The following USH1C variants were observed in gnomAD, a reference collection of about 807,000 sequenced individuals.
USH1C encodes USH1 protein network component harmonin.
A neutral mutation model predicts 119.3 loss-of-function variants in USH1C; 90 were observed. The ratio of observed to expected loss-of-function variants is 0.75; its 90% CI spans 0.64 to 0.90. The LOEUF is 0.90. USH1C is among the 40% of genes least tolerant of loss of function. The pLI, the probability that USH1C is intolerant of heterozygous loss-of-function variation, is 0.00. For synonymous variants in USH1C, 465 were observed against 443.3 expected (o/e 1.05, Z -0.62); for missense variants, 1,165 against 1,167.7 (o/e 1.00, Z 0.03).
chr11:17,531,017 A>G lies in USH1C; in HGVS notation c.387+137T>C. ...TATGAGCCTAAGAACACCCATCAGGATGCGCCAGCCTCTTCTTCACCCGAA... is the reference window on the plus strand; with the variant it reads ...TATGAGCCTAAGAACACCCATCAGGGTGCGCCAGCCTCTTCTTCACCCGAA... On this transcript the variant is annotated intron_variant, in intron 4 of 26. Transcript: ENST00000005226. This position sits in a 1 kb window ranked among gnomAD's most constrained non-coding sequence, Gnocchi z 4.2. 1 of 1,357,628 alleles carries G rather than the reference A, an allele frequency of 7.4e-7. No homozygotes were observed. The allele number at this position is 1,357,628 out of a possible 1,614,324, so 84.1% of individuals were successfully genotyped here.
chr11:17,515,523 AT>A (rs1227755183), intron 15 of USH1C, among the ~76,000 whole-genome samples: 1 of 152,132 alleles, frequency 6.6e-6, no homozygotes, highest in African/African-American at 2.4e-5. Flanking sequence ...ATAACATCCA[AT>A]TTAGCTCACC....
chr11:17,526,309 C>A, intron 8 of USH1C, 38 bp downstream of exon 8: 1 of 1,571,310 alleles, frequency 6.4e-7, no homozygotes, highest in Non-Finnish European at 8.7e-7. Flanking sequence ...CTGGGGTGCA[C>A]TGGCCACGAA....
intron 15 of USH1C, 149 bp from the exon 16 acceptor site, chr11:17,512,203 G>A (rs1849925905): frequency 1.1e-6 from 1 of 869,878 alleles, no homozygotes; most frequent in African/African-American, 1.7e-5. Context: ...CAGACCTCAG[G>A]TTTAGGACAG....
At chr11:17,517,496 A>G (rs1303537146) in intron 14 of USH1C, 4 of 1,573,490 alleles carry the variant, frequency 2.5e-6, no homozygotes, top group Admixed American at 1.9e-5. Context: ...AAAGAGGAGG[A>G]AGCTGGTGAA....
intron 26 of USH1C, 94 bp downstream of exon 26, chr11:17,495,475 G>A (rs1849211279): frequency 3.8e-6 from 5 of 1,304,924 alleles, no homozygotes; most frequent in East Asian, 2.3e-5. Flanking sequence ...CCCTCCAGAC[G>A]CCAGTCCAAA....
intron 1 of USH1C, among the ~76,000 whole-genome samples, chr11:17,540,349 G>A (rs7111978): frequency 0.38 from 57,767 of 151,616 alleles, 11,079 homozygotes; most frequent in East Asian, 0.55. Flanking sequence ...CAGCAATCAC[G>A]CCCTGCTTCT....
At chr11:17,494,592 G>T in intron 26 of USH1C, 1 of 618,996 alleles carries the variant, frequency 1.6e-6, no homozygotes, top group Non-Finnish European at 2.9e-6. Context: ...GGGACACCTG[G>T]GATGGGGGAA....
chr11:17,523,619 C>T, intron 9 of USH1C, 141 bp from the exon 10 acceptor site: 1 of 816,202 alleles, frequency 1.2e-6, no homozygotes, highest in Non-Finnish European at 2.1e-6. Context: ...ATGAATGGAG[C>T]AGTTGGAAAG....
At chr11:17,504,838 G>T (rs1849588222) in intron 19 of USH1C, 141 bp from the exon 20 acceptor site, 2 of 794,322 alleles carry the variant, frequency 2.5e-6, no homozygotes, top group African/African-American at 1.7e-5. Flanking sequence ...TACGTTAAAG[G>T]CCTGCTCAAT....
At chr11:17,510,609 A>G in intron 16 of USH1C, 88 bp from the exon 17 acceptor site, 1 of 992,868 alleles carries the variant, frequency 1.0e-6, no homozygotes, top group Non-Finnish European at 1.6e-6. Context: ...GCACTCCTTT[A>G]GAAACTCCAG....
In USH1C at chr11:17,531,430, CCA is replaced by C; in HGVS notation, c.215_216del (p.Val72GlyfsTer3). 1 of 1,614,060 alleles carries C rather than the reference CCA, an allele frequency of 6.2e-7. No homozygotes were observed. The highest frequency in any genetic ancestry group is 8.5e-7 in the Non-Finnish European group (1 of 1,179,992). On this transcript the variant is annotated frameshift_variant, in exon 3 of 27. Coordinates refer to ENST00000005226, the MANE Select transcript of USH1C (RefSeq NM_153676.4). LOFTEE classifies it high-confidence loss of function. The surrounding 1 kb of genome is among the most constrained non-coding windows in gnomAD (Gnocchi z 4.2). ...CGCCGGGGGGTCAGCTGATCATATTCCACCTGGTGCTTCAGTGGGATCAGCGG... is the reference window on the plus strand; with the variant it reads ...CGCCGGGGGGTCAGCTGATCATATTCCCTGGTGCTTCAGTGGGATCAGCGG... ...IRPLIPLKHQ[V>X]EYDQLTPRRS...
chr11:17,542,380 C>T (rs1276911281), intron 1 of USH1C, among the ~76,000 whole-genome samples: 1 of 152,272 alleles, frequency 6.6e-6, no homozygotes, highest in Non-Finnish European at 1.5e-5. Context: ...TGATCCCCAA[C>T]CTGGGAGGGG....
At chr11:17,494,572 G>A in intron 26 of USH1C, 196 bp from the exon 27 acceptor site, 1 of 645,742 alleles carries the variant, frequency 1.5e-6, no homozygotes, top group Non-Finnish European at 2.8e-6. Context: ...AGGCCAGGGA[G>A]AAAGCGGGAG....
chr11:17,507,630 C>T (rs539021208), intron 18 of USH1C, among the ~76,000 whole-genome samples: 4 of 152,322 alleles, frequency 2.6e-5, no homozygotes, highest in African/African-American at 7.2e-5. Context: ...TTATTTGATT[C>T]GAATAGGTAG....
At chr11:17,528,395 A>C (rs149265328) in intron 4 of USH1C, among the ~76,000 whole-genome samples, 238 of 152,332 alleles carry the variant, frequency 1.6e-3, no homozygotes, top group African/African-American at 5.6e-3. Flanking sequence ...ACCACAGGGC[A>C]GGAGGAACTC....
At chr11:17,541,692 G>A (rs1851473604) in intron 1 of USH1C, among the ~76,000 whole-genome samples, 1 of 152,214 alleles carries the variant, frequency 6.6e-6, no homozygotes, top group Non-Finnish European at 1.5e-5. Flanking sequence ...TACTGGAAGG[G>A]TATGCAAGTG....
intron 1 of USH1C, among the ~76,000 whole-genome samples, chr11:17,535,392 G>A (rs777552899): frequency 2.6e-5 from 4 of 151,902 alleles, no homozygotes; most frequent in Non-Finnish European, 5.9e-5. Flanking sequence ...TTCCAGAGAG[G>A]TCTTCCCTGC....
At chr11:17,511,774 G>A (rs1849901753) in intron 16 of USH1C, 128 bp downstream of exon 16, 1 of 1,127,804 alleles carries the variant, frequency 8.9e-7, no homozygotes, top group African/African-American at 1.6e-5. Context: ...TGGGGAGCAG[G>A]AAAGGGCTCA....
At chr11:17,508,959 A>G (rs769901994) in intron 18 of USH1C, among the ~76,000 whole-genome samples, 31 of 152,070 alleles carry the variant, frequency 2.0e-4, no homozygotes, top group Non-Finnish European at 3.5e-4. Context: ...GCCATTTCCC[A>G]TATTCAAGGC....
Sources: allele counts gnomAD v4.1 joint callset (sites outside exome capture counted in the v4.1 genomes callset), GRCh38; gene constraint gnomAD v4.1.1; non-coding constraint Gnocchi (gnomAD v3.1); transcripts MANE v1.5; gene names NCBI Gene and HGNC (gene_info 2026-07-23, HGNC 2026-07-21).